The following ALK variants were observed in gnomAD, a reference collection of about 807,000 sequenced individuals.
The protein encoded by ALK is ALK receptor tyrosine kinase.
ALK carries 74 observed loss-of-function variants against 163.1 expected under a neutral mutation model. That is an observed-to-expected ratio of 0.45 (90% CI 0.38 to 0.55). The LOEUF is 0.55. Ranked by LOEUF, ALK falls within the 20% of genes least tolerant of loss-of-function variation. ALK has a pLI of 0.00. For missense variants in ALK, 2,063 were observed against 2,105.3 expected, an observed-to-expected ratio of 0.98 and a Z score of 0.39; for synonymous variants, 960 against 843.2, an observed-to-expected ratio of 1.14 and a Z score of -2.40.
intron 3 of ALK, among the ~76,000 whole-genome samples, chr2:29,667,210 G>T (rs1470010643): frequency 1.3e-5 from 2 of 152,002 alleles, no homozygotes; most frequent in African/African-American, 4.8e-5. Context: ...TAGTTGAATT[G>T]CTGGAACATA....
At chr2:29,760,182 C>T (rs1236733338) in intron 1 of ALK, among the ~76,000 whole-genome samples, 1 of 151,996 alleles carries the variant, frequency 6.6e-6, no homozygotes, top group African/African-American at 2.4e-5. Flanking sequence ...CCCACACATC[C>T]CTACACACCT....
At chr2:29,891,145 T>C (rs1667134423) in intron 1 of ALK, among the ~76,000 whole-genome samples, 1 of 152,204 alleles carries the variant, frequency 6.6e-6, no homozygotes, top group South Asian at 2.1e-4. Context: ...ATTTATCAAA[T>C]TGGAATAGAG....
chr2:29,335,360 A>T (rs907977490), intron 5 of ALK, among the ~76,000 whole-genome samples: 1 of 152,208 alleles, frequency 6.6e-6, no homozygotes, highest in Non-Finnish European at 1.5e-5. Flanking sequence ...AATAGCTTAC[A>T]ATGTGTTTTC....
At chr2:29,480,768 A>C (rs111688840) in intron 4 of ALK, among the ~76,000 whole-genome samples, 1 of 147,272 alleles carries the variant, frequency 6.8e-6, no homozygotes, top group African/African-American at 2.5e-5. Context: ...GGGAACTCAG[A>C]AAGCTCAGGG....
chr2:29,688,680 T>C (rs1199591887), intron 3 of ALK, among the ~76,000 whole-genome samples: 1 of 152,158 alleles, frequency 6.6e-6, no homozygotes, highest in Non-Finnish European at 1.5e-5. Context: ...AGGAATATTG[T>C]TCTGCCCATG....
chr2:29,335,334 C>T (rs1176082374), intron 5 of ALK, among the ~76,000 whole-genome samples: 1 of 152,130 alleles, frequency 6.6e-6, no homozygotes, highest in African/African-American at 2.4e-5. Context: ...AGGGGGTTAC[C>T]TTTATATAGC....
intron 5 of ALK, among the ~76,000 whole-genome samples, chr2:29,365,758 C>CAGTTATGATG (rs1348260516): frequency 1.3e-5 from 2 of 152,168 alleles, no homozygotes; most frequent in Non-Finnish European, 2.9e-5. Flanking sequence ...TATCTCCCAT[C>CAGTTATGATG]ATAACTGTCA....
chr2:29,245,594 T>A (rs1664647289), intron 12 of ALK, among the ~76,000 whole-genome samples: 1 of 135,790 alleles, frequency 7.4e-6, no homozygotes, highest in African/African-American at 2.8e-5. Flanking sequence ...CAGGGCTCCA[T>A]GGCTCAGTGC....
intron 1 of ALK, among the ~76,000 whole-genome samples, chr2:29,857,895 T>C (rs1297160136): frequency 2.0e-5 from 3 of 152,216 alleles, no homozygotes; most frequent in Non-Finnish European, 4.4e-5. Context: ...TTGTGAGAAA[T>C]AGCAGAGTGA....
At chr2:29,265,067 T>G (rs567660646) in intron 11 of ALK, among the ~76,000 whole-genome samples, 1 of 152,276 alleles carries the variant, frequency 6.6e-6, no homozygotes, top group East Asian at 1.9e-4. Context: ...TCACCCAGGC[T>G]GGAGTACAGT....
At chr2:29,521,268 C>A (rs1672804538) in intron 4 of ALK, among the ~76,000 whole-genome samples, 1 of 152,136 alleles carries the variant, frequency 6.6e-6, no homozygotes, top group South Asian at 2.1e-4. Context: ...CAGCTTCTGG[C>A]AATGGTAGGT....
intron 3 of ALK, among the ~76,000 whole-genome samples, chr2:29,668,583 T>C (rs1009320192): frequency 6.6e-6 from 1 of 152,070 alleles, no homozygotes; most frequent in Non-Finnish European, 1.5e-5. Context: ...CTTATTAGAG[T>C]TTTATCCCAT....
At chr2:29,383,955 C>T in intron 4 of ALK, 96 bp from the exon 5 acceptor site, 1 of 1,494,736 alleles carries the variant, frequency 6.7e-7, no homozygotes, top group South Asian at 1.1e-5. Flanking sequence ...GCAGGGACTT[C>T]AGGACTCACA....
At chr2:29,808,730 T>A (rs1319855828) in intron 1 of ALK, among the ~76,000 whole-genome samples, 1 of 152,188 alleles carries the variant, frequency 6.6e-6, no homozygotes, top group African/African-American at 2.4e-5. Context: ...CCTTTCCACA[T>A]TGCAGCCCAG....
chr2:29,253,539 A>C (rs1664875734), intron 11 of ALK, among the ~76,000 whole-genome samples: 1 of 152,198 alleles, frequency 6.6e-6, no homozygotes, highest in Non-Finnish European at 1.5e-5. Context: ...TGTCCTGGAC[A>C]GCAGGACATG....
intron 26 of ALK, 146 bp downstream of exon 26, chr2:29,207,025 T>G: frequency 2.4e-5 from 17 of 709,898 alleles, no homozygotes; most frequent in East Asian, 5.3e-5. Flanking sequence ...TGCTCACGTT[T>G]GAGAACCACT....
At position 29,223,428 on chromosome 2, in the gene ALK, G is replaced by A. The variant is rs1194052477; in HGVS notation, c.3273C>T (p.Asp1091=). ...SKLRTSTIMT[D]YNPNYCFAGK... ...CAGCAAAGCAGTAGTTGGGGTTGTA[G>A]TCGGTCATGATGGTCGAGGTGCGGA... The change falls in exon 20 of 29, where the codon GAC becomes GAT. Residue 1091 remains aspartate (D), a synonymous_variant. Coordinates refer to ENST00000389048, the MANE Select transcript of ALK (RefSeq NM_004304.5). The A allele has an allele frequency of 1.9e-6, 3 of 1,614,230 alleles. No individual in the cohort carries two copies. In the South Asian group the frequency reaches 3.3e-5, roughly 18 times the overall value.
chr2:29,612,608 C>T (rs1054602151), intron 3 of ALK, among the ~76,000 whole-genome samples: 3 of 152,230 alleles, frequency 2.0e-5, no homozygotes, highest in Non-Finnish European at 2.9e-5. Context: ...TCCCCCAAAA[C>T]TTACTGAAAC....
chr2:29,572,800 A>G (rs1023559093), intron 3 of ALK, among the ~76,000 whole-genome samples: 7 of 152,004 alleles, frequency 4.6e-5, no homozygotes, highest in Non-Finnish European at 1.0e-4. Context: ...AATGCCCCTC[A>G]TCCACCCATT....
Sources: allele counts gnomAD v4.1 joint callset (sites outside exome capture counted in the v4.1 genomes callset), GRCh38; gene constraint gnomAD v4.1.1; transcripts MANE v1.5; gene names NCBI Gene and HGNC (gene_info 2026-07-23, HGNC 2026-07-21).